Variants in PRDM10 observed in about 807,000 individuals in gnomAD.
PRDM10 encodes the protein PR/SET domain 10.
In PRDM10, 65 loss-of-function variants were observed where a neutral mutation model predicts 133.1. That is an observed-to-expected ratio of 0.49 (90% CI 0.40 to 0.60). The LOEUF is 0.60. Among genes scored for constraint, PRDM10 ranks in the 20% least tolerant of loss-of-function variants. The probability of loss-of-function intolerance (pLI) is 0.00; values close to 1 mark genes in which losing one functional copy is unlikely to be tolerated. For missense variants in PRDM10, 1,137 were observed against 1,507.1 expected (o/e 0.75, Z 4.07); for synonymous variants, 582 against 580.4 (o/e 1.00, Z -0.04).
intron 16 of PRDM10, 85 bp downstream of exon 16, chr11:129,915,575 G>T: frequency 7.1e-7 from 1 of 1,399,254 alleles, no homozygotes; most frequent in Non-Finnish European, 9.7e-7. Flanking sequence ...AGCCATCCAG[G>T]CCATGTGGAT....
intron 14 of PRDM10, among the ~76,000 whole-genome samples, chr11:129,917,846 G>A (rs113795801): frequency 1.5e-3 from 229 of 152,310 alleles, no homozygotes; most frequent in African/African-American, 5.1e-3. Context: ...GGAAACAGCT[G>A]GGGGCTGGGT....
At chr11:129,961,294 G>C (rs749658493) in intron 1 of PRDM10, among the ~76,000 whole-genome samples, 2 of 151,684 alleles carry the variant, frequency 1.3e-5, no homozygotes, top group South Asian at 2.1e-4. Context: ...GGTTTTTTTG[G>C]GGGGGTGAGG....
intron 1 of PRDM10, among the ~76,000 whole-genome samples, chr11:129,994,531 G>T (rs1428553023): frequency 6.6e-6 from 1 of 151,286 alleles, no homozygotes; most frequent in East Asian, 2.0e-4. Context: ...CCAGCTACTC[G>T]GTTGGCTGAG....
At chr11:129,988,319 A>G (rs781440014) in intron 1 of PRDM10, among the ~76,000 whole-genome samples, 3 of 152,190 alleles carry the variant, frequency 2.0e-5, no homozygotes, top group Non-Finnish European at 2.9e-5. Flanking sequence ...AACTCTTTGA[A>G]TGTATTAAAG....
At chr11:129,981,413 A>G (rs965142315) in intron 1 of PRDM10, among the ~76,000 whole-genome samples, 3 of 152,194 alleles carry the variant, frequency 2.0e-5, no homozygotes, top group African/African-American at 7.2e-5. Flanking sequence ...CACAACACAC[A>G]TAAACTAGCT....
rs1211712888 is a variant in PRDM10, at chr11:129,930,998, C to T, written c.1530+18G>A. ...GATGAGCGGCTGGTGCCAGGAGCCG[C>T]CGGCTTTCCCCACTTACTCGGATGC... On this transcript the variant is annotated intron_variant, in intron 11 of 20. Transcript: ENST00000360871. The T allele has an allele frequency of 1.3e-6, 2 of 1,582,346 alleles. No individual in the cohort carries two copies. Among genetic ancestry groups the T allele is most frequent in the Non-Finnish European group, 1.7e-6 (2 of 1,163,736 alleles).
chr11:129,988,554 G>C (rs749670379), intron 1 of PRDM10, among the ~76,000 whole-genome samples: 1 of 150,774 alleles, frequency 6.6e-6, no homozygotes, highest in South Asian at 2.1e-4. Context: ...TCTTAAATAA[G>C]TGAACTGCAT....
At chr11:129,944,447 T>A (rs370907668) in intron 6 of PRDM10, among the ~76,000 whole-genome samples, 4 of 151,670 alleles carry the variant, frequency 2.6e-5, no homozygotes, top group East Asian at 1.9e-4. Context: ...TAGCCGGGCG[T>A]GGTGGCGGGC....
In PRDM10 at chr11:129,914,483, T is replaced by C. The variant is rs555383814; in HGVS notation, c.2841+221A>G. On this transcript the variant is annotated intron_variant, in intron 17 of 20. Coordinates refer to ENST00000360871, the MANE Select transcript of PRDM10 (RefSeq NM_199437.2). Reference sequence around the variant, plus strand: ...CACAGCACAGGAGGCTTGTATATGCTGGAACCTAAAATTTCCTGACTACTA... The same window carrying C: ...CACAGCACAGGAGGCTTGTATATGCCGGAACCTAAAATTTCCTGACTACTA... 60 of 662,062 alleles carry C rather than the reference T, an allele frequency of 9.1e-5. No homozygotes were observed. The African/African-American group carries it at 1.0e-3, about 11-fold the overall frequency. 41.0% of individuals were successfully genotyped at this position (662,062 alleles called of 1,614,324 possible). A position where few individuals can be genotyped will look rare whatever the true frequency, so the allele number is the denominator to read the frequency against.
intron 12 of PRDM10, 64 bp downstream of exon 12, chr11:129,924,818 A>G (rs750132894): frequency 2.5e-5 from 37 of 1,451,856 alleles, no homozygotes; most frequent in Non-Finnish European, 3.3e-5. Context: ...TCGGTTTTCC[A>G]AAAATCGAAG....
chr11:129,983,396 G>A (rs891369431), intron 1 of PRDM10, among the ~76,000 whole-genome samples: 2 of 151,628 alleles, frequency 1.3e-5, no homozygotes, highest in Middle Eastern at 3.4e-3. Context: ...CCAGGTTCAT[G>A]CCATTCTCCT....
chr11:129,952,927 A>C (rs1951615558), intron 4 of PRDM10, among the ~76,000 whole-genome samples: 1 of 152,154 alleles, frequency 6.6e-6, no homozygotes, highest in Non-Finnish European at 1.5e-5. Flanking sequence ...GTTGAGTACA[A>C]TGAAATGACT....
chr11:129,944,756 T>G lies in PRDM10; in HGVS notation c.762+15A>C, dbSNP rs1216441862. On this transcript the variant is annotated intron_variant, in intron 6 of 20. Transcript: ENST00000360871. ...GGTAAAGGACAGGAGTGAAGTGTGA[T>G]AGAGCATAAATTACCTTGAGGTGAA... 2.5e-6 allele frequency: 4 copies of G among 1,613,630 alleles called. No homozygotes were observed. Among genetic ancestry groups the G allele is most frequent in the Admixed American group, 1.7e-5 (1 of 59,906 alleles).
chr11:129,927,225 T>C (rs1950710821), intron 11 of PRDM10, among the ~76,000 whole-genome samples: 1 of 148,388 alleles, frequency 6.7e-6, no homozygotes, highest in African/African-American at 2.5e-5. Flanking sequence ...AGCATAGTTT[T>C]TTCTCAAATC....
intron 6 of PRDM10, among the ~76,000 whole-genome samples, chr11:129,944,525 C>T (rs1341590322): frequency 6.7e-6 from 1 of 150,114 alleles, no homozygotes; most frequent in African/African-American, 2.5e-5. Context: ...GCGGAGCTTG[C>T]AGTGAGCCGA....
chr11:129,961,383 C>T (rs1375699308), intron 1 of PRDM10, among the ~76,000 whole-genome samples: 1 of 152,062 alleles, frequency 6.6e-6, no homozygotes, highest in Non-Finnish European at 1.5e-5. Context: ...AGGCTCACTG[C>T]AACCTCCGCC....
chr11:129,906,435 G>A (rs761464531), intron 19 of PRDM10, among the ~76,000 whole-genome samples: 3 of 152,110 alleles, frequency 2.0e-5, no homozygotes, highest in Non-Finnish European at 4.4e-5. Context: ...ACCTGCAATC[G>A]GCTGAAACAC....
chr11:129,912,017 C>T (rs1950198574), intron 18 of PRDM10, 68 bp downstream of exon 18: 2 of 1,446,716 alleles, frequency 1.4e-6, no homozygotes, highest in African/African-American at 1.4e-5. Context: ...GAATGTCTTC[C>T]CTCTCATTAA....
intron 11 of PRDM10, among the ~76,000 whole-genome samples, chr11:129,928,896 C>T (rs1950766504): frequency 6.6e-6 from 1 of 152,184 alleles, no homozygotes; most frequent in Non-Finnish European, 1.5e-5. Context: ...GGCTATCATT[C>T]TCTGAAACAG....
Sources: allele counts gnomAD v4.1 joint callset (sites outside exome capture counted in the v4.1 genomes callset), GRCh38; gene constraint gnomAD v4.1.1; transcripts MANE v1.5; gene names NCBI Gene and HGNC (gene_info 2026-07-23, HGNC 2026-07-21).